ZFAT: variants seen among roughly 807,000 people sequenced by gnomAD.
ZFAT encodes zinc finger protein ZFAT.
A neutral mutation model predicts 117.7 loss-of-function variants in ZFAT; 64 were observed. The ratio of observed to expected loss-of-function variants is 0.54; its 90% CI spans 0.44 to 0.67. ZFAT has a LOEUF of 0.67. Among genes scored for constraint, ZFAT ranks in the 30% least tolerant of loss-of-function variants. The pLI is 0.00. For missense variants in ZFAT, 1,433 were observed against 1,584.5 expected, an observed-to-expected ratio of 0.90 and a Z score of 1.62; for synonymous variants, 679 against 615.0, an observed-to-expected ratio of 1.10 and a Z score of -1.54.
the ZFAT span, among the ~76,000 whole-genome samples, chr8:134,786,657 G>A: frequency 6.6e-6 from 1 of 152,090 alleles, no homozygotes. Context: ...TCCAGAGCTT[G>A]TGCATTATTC....
chr8:134,613,372 T>C (rs1586818466), intron 3 of ZFAT, among the ~76,000 whole-genome samples: 1 of 152,236 alleles, frequency 6.6e-6, no homozygotes, highest in Non-Finnish European at 1.5e-5. Flanking sequence ...GCGTCCGGAC[T>C]CTGCTTTAGG....
the ZFAT span, chr8:134,765,614 GT>G: frequency 6.6e-6 from 1 of 152,074 alleles, no homozygotes; most frequent in African/African-American, 2.4e-5. Flanking sequence ...CTCAGACCTT[GT>G]ACTTTACTTT....
At chr8:134,557,565 C>T (rs1048886615) in intron 11 of ZFAT, among the ~76,000 whole-genome samples, 2 of 152,176 alleles carry the variant, frequency 1.3e-5, no homozygotes, top group African/African-American at 2.4e-5. Flanking sequence ...TAGAAACTCT[C>T]TGTACTATAG....
At chr8:134,716,560 TGGGA>T (rs1403089709), upstream of ZFAT, among the ~76,000 whole-genome samples, 1 of 152,112 alleles carries the variant, frequency 6.6e-6, no homozygotes, top group Non-Finnish European at 1.5e-5. Flanking sequence ...ATTCCATGTG[TGGGA>T]GTAAGGGAAC....
the ZFAT span, among the ~76,000 whole-genome samples, chr8:134,780,687 A>G: frequency 6.6e-6 from 1 of 152,218 alleles, no homozygotes; most frequent in Non-Finnish European, 1.5e-5. Flanking sequence ...TCAGGCAAAC[A>G]AGGACAATAG....
chr8:134,751,556 A>C, the ZFAT span, among the ~76,000 whole-genome samples: 1 of 152,192 alleles, frequency 6.6e-6, no homozygotes, highest in Non-Finnish European at 1.5e-5. Context: ...GAATCTGAAA[A>C]ATAGTAAAAG....
chr8:134,830,341 T>C, the ZFAT span, among the ~76,000 whole-genome samples: 3 of 152,208 alleles, frequency 2.0e-5, no homozygotes, highest in African/African-American at 4.8e-5. Context: ...CAAAAGTAGC[T>C]GCACAGAAAG....
intron 11 of ZFAT, among the ~76,000 whole-genome samples, chr8:134,543,773 T>C (rs550488134): frequency 1.3e-5 from 2 of 152,308 alleles, no homozygotes; most frequent in East Asian, 3.9e-4. Context: ...GTTGATCACG[T>C]TGGATTCAAT....
the ZFAT span, chr8:134,765,136 G>A: frequency 6.6e-6 from 1 of 152,184 alleles, no homozygotes; most frequent in Admixed American, 6.5e-5. Context: ...GGAATTTGGT[G>A]AGCTAGTTTT....
intron 1 of ZFAT, among the ~76,000 whole-genome samples, chr8:134,692,077 A>C (rs1026145337): frequency 3.3e-5 from 5 of 152,048 alleles, no homozygotes; most frequent in African/African-American, 1.2e-4. Flanking sequence ...GCTGGTCTCG[A>C]ACTCCCACCT....
Position 134,637,714 on chromosome 8 carries a change from TAC to T in ZFAT, c.197-4_197-3del. On this transcript the variant is annotated splice_region_variant and splice_polypyrimidine_tract_variant and intron_variant, in intron 2 of 15. Transcript: ENST00000377838. ...TCTTCCTCTTCATGACCAAAAACTC[TAC>T]AGAGGAAACAAGAGGGCACAATGGA... 1.9e-6 allele frequency: 3 copies of T among 1,612,520 alleles called. No homozygotes were observed. Among genetic ancestry groups the T allele is most frequent in the Non-Finnish European group, 2.5e-6 (3 of 1,178,996 alleles).
Position 134,478,622 on chromosome 8 carries a change from ACAC to A in ZFAT, c.3589_3591del (p.Val1197del), listed in dbSNP as rs1817052396. On this transcript the variant is annotated inframe_deletion, in exon 16 of 16. Coordinates refer to ENST00000377838, the MANE Select transcript of ZFAT (RefSeq NM_020863.4). The surrounding 1 kb of genome is among the most constrained non-coding windows in gnomAD (Gnocchi z 5.2). ...TCAATGCCCTCCACGTCGTCGGAGG[ACAC>A]CACCAGGTGGTGCTGCTCGGCAAGC... The A allele has an allele frequency of 6.3e-7, 1 of 1,586,346 alleles. No homozygotes were observed. Among genetic ancestry groups the A allele is most frequent in the Non-Finnish European group, 8.6e-7 (1 of 1,166,916 alleles).
At chr8:134,750,579 T>C in the ZFAT span, among the ~76,000 whole-genome samples, 1 of 152,196 alleles carries the variant, frequency 6.6e-6, no homozygotes, top group Non-Finnish European at 1.5e-5. Flanking sequence ...AAAAACTGTA[T>C]ATATTTATGA....
chr8:134,669,405 C>T (rs1314156571), intron 1 of ZFAT, among the ~76,000 whole-genome samples: 4 of 152,268 alleles, frequency 2.6e-5, no homozygotes, highest in South Asian at 4.1e-4. Context: ...ACGGATCTCT[C>T]GGCGGAAACT....
At chr8:134,588,506 T>C (rs985743866) in intron 8 of ZFAT, 111 bp from the exon 9 acceptor site, 22 of 1,213,506 alleles carry the variant, frequency 1.8e-5, no homozygotes, top group Admixed American at 9.6e-5. Flanking sequence ...GTGTGCCTCA[T>C]GGTGTCCAGA....
At chr8:134,800,644 G>C in the ZFAT span, 13 of 447,398 alleles carry the variant, frequency 2.9e-5, no homozygotes, top group East Asian at 7.3e-4. Flanking sequence ...AAGTTTGTAC[G>C]GTTCTTTACG....
At chr8:134,535,922 G>A (rs1334295628) in intron 11 of ZFAT, among the ~76,000 whole-genome samples, 2 of 152,084 alleles carry the variant, frequency 1.3e-5, no homozygotes, top group Non-Finnish European at 2.9e-5. Context: ...ATGCTATATT[G>A]CCAGCATCGG....
chr8:134,580,429 C>G (rs1825638390), intron 10 of ZFAT, among the ~76,000 whole-genome samples: 1 of 152,226 alleles, frequency 6.6e-6, no homozygotes, highest in Non-Finnish European at 1.5e-5. Flanking sequence ...GGCACCTGCA[C>G]AAGCACAGGT....
chr8:134,498,167 T>C (rs76712384), intron 15 of ZFAT, among the ~76,000 whole-genome samples: 10 of 25,304 alleles, frequency 4.0e-4, no homozygotes, highest in African/African-American at 4.8e-4. Flanking sequence ...GATGCCCCCG[T>C]TGCTGGTTAC....
Sources: allele counts gnomAD v4.1 joint callset (sites outside exome capture counted in the v4.1 genomes callset), GRCh38; gene constraint gnomAD v4.1.1; non-coding constraint Gnocchi (gnomAD v3.1); transcripts MANE v1.5; gene names NCBI Gene and HGNC (gene_info 2026-07-23, HGNC 2026-07-21).